Variants in GDPD5 observed in about 807,000 individuals in gnomAD.
The protein encoded by GDPD5 is glycerophosphodiester phosphodiesterase 2.
A neutral mutation model predicts 75.1 loss-of-function variants in GDPD5; 48 were observed. That is an observed-to-expected ratio of 0.64 (90% CI 0.51 to 0.81). GDPD5 has a LOEUF of 0.81. GDPD5 is among the 40% of genes least tolerant of loss of function. GDPD5 has a pLI of 0.00. For missense variants in GDPD5, 706 were observed against 822.6 expected, an observed-to-expected ratio of 0.86 and a Z score of 1.73; for synonymous variants, 336 against 339.0, an observed-to-expected ratio of 0.99 and a Z score of 0.10.
intron 1 of GDPD5, among the ~76,000 whole-genome samples, chr11:75,512,328 G>A (rs1366467722): frequency 2.6e-5 from 1 of 38,354 alleles, no homozygotes; most frequent in East Asian, 9.0e-4. Context: ...ACACACACGA[G>A]GGGAGAGGAA....
chr11:75,507,716 T>C (rs1178799553), intron 1 of GDPD5, among the ~76,000 whole-genome samples: 4 of 152,228 alleles, frequency 2.6e-5, no homozygotes, highest in African/African-American at 9.6e-5. Context: ...AGCACACACA[T>C]GGTCTGGAGA....
At chr11:75,496,783 T>TTTTC (rs1565213393) in intron 1 of GDPD5, among the ~76,000 whole-genome samples, 13 of 22,366 alleles carry the variant, frequency 5.8e-4, no homozygotes, top group East Asian at 0.022. Flanking sequence ...TTCTTTCTTT[T>TTTTC]TTTTTTTTTT....
intron 1 of GDPD5, among the ~76,000 whole-genome samples, chr11:75,510,566 C>T (rs1447549231): frequency 6.6e-6 from 1 of 152,222 alleles, no homozygotes; most frequent in Non-Finnish European, 1.5e-5. Context: ...ACAGGGTCCT[C>T]ATGACACAGT....
At chr11:75,451,651 C>T (rs995862092) in intron 6 of GDPD5, 1 of 152,240 alleles carries the variant, frequency 6.6e-6, no homozygotes, top group Non-Finnish European at 1.5e-5. Context: ...GCGCGCAGCT[C>T]CCCCTTGTGG....
At chr11:75,488,545 G>T (rs768474522) in intron 2 of GDPD5, among the ~76,000 whole-genome samples, 21 of 152,166 alleles carry the variant, frequency 1.4e-4, no homozygotes, top group Middle Eastern at 3.4e-3. Flanking sequence ...ACCCCTCCTT[G>T]TACCACTGTG....
chr11:75,439,576 G>A (rs1208578956), intron 15 of GDPD5, among the ~76,000 whole-genome samples: 1 of 152,172 alleles, frequency 6.6e-6, no homozygotes, highest in Non-Finnish European at 1.5e-5. Flanking sequence ...CTGAGGGCTG[G>A]TGGGAACCCA....
In GDPD5 at chr11:75,448,987, C is replaced by G; in HGVS notation, c.704G>C (p.Gly235Ala). The stretch of plus-strand genomic sequence containing the variant: ...TGAGGTGGCACTCACCATGGGGGCC[C>G]CGCGGTGGCCAATGAGAGCAGGCTT... The part of the protein sequence containing the change: ...GPKPALIGHR[G>A]APMLAPEHTL... Residue 235 changes from glycine (G) to alanine (A), a missense_variant, in exon 9 of 17, where the codon GGG (glycine) becomes GCG (alanine). Physicochemically the swap from Gly to Ala is moderately conservative, Grantham distance 60. Transcript: ENST00000336898. 1 of 1,577,260 alleles carries G rather than the reference C, an allele frequency of 6.3e-7. No homozygotes were observed. The highest frequency in any genetic ancestry group is 8.6e-7 in the Non-Finnish European group (1 of 1,169,078).
chr11:75,444,389 C>A (rs1948929701), intron 10 of GDPD5, 24 bp downstream of exon 10: 5 of 1,571,148 alleles, frequency 3.2e-6, no homozygotes, highest in South Asian at 1.1e-5. Context: ...GGTAGAGGAA[C>A]TATCTCCCCT....
chr11:75,475,016 T>C (rs1949749288), intron 3 of GDPD5, among the ~76,000 whole-genome samples: 1 of 152,232 alleles, frequency 6.6e-6, no homozygotes, highest in South Asian at 2.1e-4. Flanking sequence ...ATCTGTAAAA[T>C]GGGCACACAA....
At chr11:75,445,013 A>T (rs1418208772) in intron 9 of GDPD5, among the ~76,000 whole-genome samples, 1 of 152,154 alleles carries the variant, frequency 6.6e-6, no homozygotes, top group Non-Finnish European at 1.5e-5. Flanking sequence ...GTGCGGGACC[A>T]GTTTCCTCAT....
intron 1 of GDPD5, among the ~76,000 whole-genome samples, chr11:75,496,527 A>G (rs1005065926): frequency 1.1e-4 from 16 of 152,246 alleles, no homozygotes; most frequent in Non-Finnish European, 2.2e-4. Flanking sequence ...AGGGAGAACC[A>G]GTGAGCAGGA....
intron 15 of GDPD5, chr11:75,439,267 G>T (rs1397881186): frequency 2.2e-6 from 1 of 450,292 alleles, no homozygotes; most frequent in African/African-American, 2.0e-5. Flanking sequence ...TGGGTTTTTA[G>T]ACAGAACTGG....
At chr11:75,450,864 TC>T (rs2135229349) in intron 6 of GDPD5, 1 of 146,912 alleles carries the variant, frequency 6.8e-6, no homozygotes, top group Admixed American at 7.1e-5. Context: ...CTCCCGCAGA[TC>T]CCAGTCTCTG....
chr11:75,510,750 C>T (rs781689366), intron 1 of GDPD5, among the ~76,000 whole-genome samples: 1 of 150,756 alleles, frequency 6.6e-6, no homozygotes, highest in Admixed American at 6.6e-5. Flanking sequence ...GCTCCCTTCT[C>T]CCCCTCCCCC....
At chr11:75,477,292 C>T (rs921453010) in intron 3 of GDPD5, among the ~76,000 whole-genome samples, 8 of 152,234 alleles carry the variant, frequency 5.3e-5, no homozygotes, top group African/African-American at 1.9e-4. Flanking sequence ...GCCTGTTTGC[C>T]TGCCTGCCTG....
chr11:75,481,431 T>C (rs1949916524), intron 2 of GDPD5, among the ~76,000 whole-genome samples: 1 of 152,170 alleles, frequency 6.6e-6, no homozygotes, highest in Admixed American at 6.5e-5. Context: ...GTGCTGGGAA[T>C]TGACTGCTGC....
chr11:75,479,883 C>A (rs1221516644), intron 2 of GDPD5, among the ~76,000 whole-genome samples: 1 of 152,200 alleles, frequency 6.6e-6, no homozygotes, highest in Admixed American at 6.5e-5. Context: ...CATGGATCAG[C>A]ATTTCATTCC....
At chr11:75,452,067 T>G (rs1161461444) in intron 6 of GDPD5, 1 of 152,156 alleles carries the variant, frequency 6.6e-6, no homozygotes, top group Non-Finnish European at 1.5e-5. Flanking sequence ...CCATGGTGGG[T>G]ACAGGGGATA....
At chr11:75,502,701 G>C (rs757595385) in intron 1 of GDPD5, among the ~76,000 whole-genome samples, 14 of 152,206 alleles carry the variant, frequency 9.2e-5, no homozygotes, top group Non-Finnish European at 1.9e-4. Flanking sequence ...TCAGGGACAG[G>C]TCATTGAGTG....
Sources: gnomAD v4.1 joint callset for allele counts (sites outside exome capture counted in the v4.1 genomes callset) on GRCh38, gnomAD v4.1.1 for gene constraint, MANE v1.5 for transcripts, NCBI Gene and HGNC (gene_info 2026-07-23, HGNC 2026-07-21) for gene names.